SLC2A13: variants seen among roughly 807,000 people sequenced by gnomAD.
SLC2A13 encodes the protein proton myo-inositol cotransporter.
In SLC2A13, 32 loss-of-function variants were observed where a neutral mutation model predicts 64.4. The ratio of observed to expected loss-of-function variants is 0.50; its 90% CI spans 0.37 to 0.67. The LOEUF is 0.67. Among genes scored for constraint, SLC2A13 ranks in the 30% least tolerant of loss-of-function variants. The pLI is 0.00. For synonymous variants in SLC2A13, 338 were observed against 327.1 expected, an observed-to-expected ratio of 1.03 and a Z score of -0.36; for missense variants, 743 against 829.2, an observed-to-expected ratio of 0.90 and a Z score of 1.28.
At chr12:39,938,148 A>G (rs1267429620) in intron 4 of SLC2A13, among the ~76,000 whole-genome samples, 1 of 152,152 alleles carries the variant, frequency 6.6e-6, no homozygotes, top group Non-Finnish European at 1.5e-5. Context: ...GAGCAGAAGG[A>G]AAGTGAACAC....
At chr12:39,823,537 T>G (rs1318956058) in intron 7 of SLC2A13, among the ~76,000 whole-genome samples, 1 of 152,232 alleles carries the variant, frequency 6.6e-6, no homozygotes, top group Non-Finnish European at 1.5e-5. Context: ...ATAGATGAAC[T>G]GCTTCCCTGG....
chr12:39,809,869 G>C (rs1942094568), intron 7 of SLC2A13, among the ~76,000 whole-genome samples: 1 of 152,070 alleles, frequency 6.6e-6, no homozygotes, highest in Non-Finnish European at 1.5e-5. Flanking sequence ...AGTATTCCAT[G>C]GTGTATATAT....
At chr12:40,086,441 A>C (rs1372391258) in intron 1 of SLC2A13, among the ~76,000 whole-genome samples, 1 of 152,200 alleles carries the variant, frequency 6.6e-6, no homozygotes, top group African/African-American at 2.4e-5. Context: ...CCAGCTGTTA[A>C]GAAAAACACA....
At chr12:40,069,882 C>G (rs1937886292) in intron 1 of SLC2A13, among the ~76,000 whole-genome samples, 2 of 152,024 alleles carry the variant, frequency 1.3e-5, no homozygotes, top group African/African-American at 4.8e-5. Flanking sequence ...TTTTGCTGCT[C>G]ATTATTTCTT....
chr12:39,939,320 C>T (rs920263908), intron 4 of SLC2A13, among the ~76,000 whole-genome samples: 2 of 152,286 alleles, frequency 1.3e-5, no homozygotes, highest in Admixed American at 1.3e-4. Context: ...TGATTAGAAA[C>T]ATTCTGATAG....
intron 1 of SLC2A13, among the ~76,000 whole-genome samples, chr12:40,103,568 ACC>A (rs1311833684): frequency 6.6e-6 from 1 of 152,156 alleles, no homozygotes; most frequent in African/African-American, 2.4e-5. Flanking sequence ...TAAACATAAT[ACC>A]CAAGATTTTA....
chr12:39,895,715 TATGTATATGCGTGTATACGTACACAC>T (rs1565526209), intron 4 of SLC2A13, among the ~76,000 whole-genome samples: 13 of 133,752 alleles, frequency 9.7e-5, no homozygotes, highest in African/African-American at 3.5e-4. Flanking sequence ...CGTACACACA[TATGTATATGCGTGTATACGTACACAC>T]ATGTATATGC....
rs140404105 is a variant in SLC2A13 at position 39,890,434 on chromosome 12, A to G, written c.1035-18473T>C. Among the ~76,000 whole-genome samples the G allele has an allele frequency of 6.7e-4, 102 of 152,318 alleles. No homozygotes were observed. In the East Asian group the frequency reaches 0.016, roughly 24 times the overall value. ...TGGCAAAGGGAAAGTAAGGTTGCAG[A>G]TAGAATTAAATGTTGCTCATCAATT... On this transcript the variant is annotated intron_variant, in intron 4 of 9. Coordinates refer to ENST00000280871, the MANE Select transcript of SLC2A13 (RefSeq NM_052885.4).
chr12:39,799,609 A>G (rs958920417), intron 7 of SLC2A13, among the ~76,000 whole-genome samples: 27 of 152,224 alleles, frequency 1.8e-4, no homozygotes, highest in African/African-American at 6.3e-4. Flanking sequence ...ACCAGGGGTT[A>G]GCTAAAAACC....
intron 7 of SLC2A13, among the ~76,000 whole-genome samples, chr12:39,812,271 C>A (rs1182008355): frequency 6.6e-6 from 1 of 152,118 alleles, no homozygotes; most frequent in African/African-American, 2.4e-5. Flanking sequence ...GATGACTCCA[C>A]CCTCATGACC....
intron 2 of SLC2A13, among the ~76,000 whole-genome samples, chr12:40,040,817 C>T (rs1212887612): frequency 6.6e-6 from 1 of 152,184 alleles, no homozygotes; most frequent in Non-Finnish European, 1.5e-5. Flanking sequence ...TTCTACATTT[C>T]ATATAGAGCC....
chr12:39,905,610 A>T (rs991694457), intron 4 of SLC2A13, among the ~76,000 whole-genome samples: 9 of 152,136 alleles, frequency 5.9e-5, no homozygotes, highest in African/African-American at 2.2e-4. Context: ...CCTCATTATT[A>T]GTCTTGCAAA....
At chr12:39,885,946 T>A (rs1944454662) in intron 4 of SLC2A13, among the ~76,000 whole-genome samples, 1 of 152,188 alleles carries the variant, frequency 6.6e-6, no homozygotes, top group Non-Finnish European at 1.5e-5. Flanking sequence ...TGTATAGATA[T>A]CACTCCAGAG....
At chr12:40,063,778 T>C (rs1948465138) in intron 1 of SLC2A13, among the ~76,000 whole-genome samples, 1 of 152,280 alleles carries the variant, frequency 6.6e-6, no homozygotes, top group African/African-American at 2.4e-5. Context: ...ACTTCATGTT[T>C]TATTCAGCTT....
At chr12:39,787,062 C>T (rs559807471) in intron 7 of SLC2A13, among the ~76,000 whole-genome samples, 43 of 152,126 alleles carry the variant, frequency 2.8e-4, no homozygotes, top group Non-Finnish European at 4.0e-4. Context: ...CTAGATGTTA[C>T]GGTAAACCTC....
Position 39,799,528 on chromosome 12 carries a change from C to A in SLC2A13, c.1445+30575G>T, listed in dbSNP as rs1313425618. On this transcript the variant is annotated intron_variant, in intron 7 of 9. Transcript: ENST00000280871. Reference sequence around the variant, plus strand: ...TAAGCTTCATTTCCCTTAGAACTGGCAGAGTAGAGTAAATCAAATAAAGTA... The same window carrying A: ...TAAGCTTCATTTCCCTTAGAACTGGAAGAGTAGAGTAAATCAAATAAAGTA... Among the ~76,000 whole-genome samples, 3 of 151,696 alleles carry A rather than the reference C, an allele frequency of 2.0e-5. No homozygotes were observed. The South Asian group carries it at 6.3e-4, about 32-fold the overall frequency.
intron 4 of SLC2A13, among the ~76,000 whole-genome samples, chr12:39,903,912 C>A (rs181065415): frequency 1.3e-5 from 2 of 152,004 alleles, no homozygotes; most frequent in Non-Finnish European, 2.9e-5. Flanking sequence ...GGACTGATAT[C>A]CCTTGGAGTC....
At chr12:39,942,376 GTGACTT>G (rs1468186883) in intron 4 of SLC2A13, among the ~76,000 whole-genome samples, 1 of 152,134 alleles carries the variant, frequency 6.6e-6, no homozygotes, top group Non-Finnish European at 1.5e-5. Context: ...TGTGTCATCT[GTGACTT>G]CTTTCAGTAG....
At chr12:40,062,078 T>C (rs1948432591) in intron 1 of SLC2A13, among the ~76,000 whole-genome samples, 1 of 152,042 alleles carries the variant, frequency 6.6e-6, no homozygotes, top group Non-Finnish European at 1.5e-5. Flanking sequence ...TTTTAATAAA[T>C]GGTGGTGAGA....
Sources: gnomAD v4.1 joint callset for allele counts (sites outside exome capture counted in the v4.1 genomes callset) on GRCh38, gnomAD v4.1.1 for gene constraint, MANE v1.5 for transcripts, NCBI Gene and HGNC (gene_info 2026-07-23, HGNC 2026-07-21) for gene names.